The following DGKG variants were observed in gnomAD, a reference collection of about 807,000 sequenced individuals.
DGKG encodes DAG kinase gamma.
In DGKG, 78 loss-of-function variants were observed where a neutral mutation model predicts 105.3. The observed-to-expected ratio is 0.74, with a 90% CI of 0.62 to 0.89. The LOEUF is 0.89. Among genes scored for constraint, DGKG ranks in the 40% least tolerant of loss-of-function variants. DGKG has a pLI of 0.00. For synonymous variants in DGKG, 346 were observed against 367.1 expected (o/e 0.94, Z 0.66); for missense variants, 958 against 1,020.1 (o/e 0.94, Z 0.83).
intron 24 of DGKG, chr3:186,159,019 T>G (rs1716165279): frequency 4.0e-6 from 1 of 249,028 alleles, no homozygotes; most frequent in Admixed American, 6.5e-5. Context: ...ATGTATAACC[T>G]TTCATTTTAG....
intron 1 of DGKG, among the ~76,000 whole-genome samples, chr3:186,339,840 C>T (rs1726005555): frequency 6.6e-6 from 1 of 152,210 alleles, no homozygotes; most frequent in African/African-American, 2.4e-5. Context: ...TCCAACAAAC[C>T]TGAGTCAGCA....
intron 5 of DGKG, among the ~76,000 whole-genome samples, chr3:186,297,055 CTGTCTGT>C (rs1723600190): frequency 7.9e-6 from 1 of 127,330 alleles, no homozygotes; most frequent in African/African-American, 3.1e-5. Context: ...CTCTGTCTGT[CTGTCTGT>C]CTCTCTCACA....
intron 22 of DGKG, 28 bp from the exon 23 acceptor site, chr3:186,165,046 C>A: frequency 6.2e-7 from 1 of 1,602,688 alleles, no homozygotes; most frequent in Non-Finnish European, 8.5e-7. Context: ...AAAAGTAGTG[C>A]ATACACATCT....
At chr3:186,342,525 TACA>T (rs1726135783) in intron 1 of DGKG, among the ~76,000 whole-genome samples, 1 of 152,224 alleles carries the variant, frequency 6.6e-6, no homozygotes, top group African/African-American at 2.4e-5. Context: ...CTTAACTAGA[TACA>T]CTCCTCTGTC....
At chr3:186,191,562 C>T (rs189389494) in intron 21 of DGKG, among the ~76,000 whole-genome samples, 1 of 152,322 alleles carries the variant, frequency 6.6e-6, no homozygotes, top group Non-Finnish European at 1.5e-5. Flanking sequence ...CCACCTTTGG[C>T]ATCTTTTCTT....
intron 3 of DGKG, among the ~76,000 whole-genome samples, chr3:186,305,380 C>T (rs1024053429): frequency 9.2e-5 from 14 of 152,114 alleles, no homozygotes; most frequent in Admixed American, 3.3e-4. Flanking sequence ...GCTGAGGTTA[C>T]GGTGACACTG....
Position 186,330,827 on chromosome 3 carries a change from C to T in DGKG, c.-248-10120G>A, listed in dbSNP as rs78796365. Among the ~76,000 whole-genome samples, 547 of 152,328 alleles carry T rather than the reference C, an allele frequency of 3.6e-3. 3 individuals carry two copies. The highest frequency in any genetic ancestry group is 0.012 in the African/African-American group (518 of 41,582). ...ACGTGGAGCAGAGATAACCCATCCC[C>T]GCTCAGCCTGGTCTGGATTCCCAAT... On this transcript the variant is annotated intron_variant, in intron 1 of 24. Transcript: ENST00000265022.
At chr3:186,270,858 G>A (rs1022888591) in intron 11 of DGKG, among the ~76,000 whole-genome samples, 1 of 152,202 alleles carries the variant, frequency 6.6e-6, no homozygotes, top group African/African-American at 2.4e-5. Context: ...AGAAGTTTGT[G>A]AGTGTGCCCT....
At chr3:186,251,130 C>T (rs917862906) in intron 19 of DGKG, among the ~76,000 whole-genome samples, 5 of 152,060 alleles carry the variant, frequency 3.3e-5, no homozygotes, top group Non-Finnish European at 7.3e-5. Flanking sequence ...CAGATAAGCA[C>T]ATTAAACCAA....
chr3:186,233,591 T>C (rs1434243777), intron 20 of DGKG, among the ~76,000 whole-genome samples: 1 of 152,164 alleles, frequency 6.6e-6, no homozygotes, highest in Non-Finnish European at 1.5e-5. Context: ...GCCATTCTCC[T>C]GCCTCAGCCT....
intron 20 of DGKG, 47 bp from the exon 21 acceptor site, chr3:186,211,932 G>A (rs1436920973): frequency 6.8e-7 from 1 of 1,469,832 alleles, no homozygotes; most frequent in South Asian, 1.1e-5. Context: ...TACTTGAAAT[G>A]CTCATGTAAA....
intron 1 of DGKG, among the ~76,000 whole-genome samples, chr3:186,340,420 A>G (rs541924505): frequency 1.8e-4 from 28 of 152,232 alleles, no homozygotes; most frequent in Non-Finnish European, 3.1e-4. Flanking sequence ...TTACAACCCA[A>G]TTGGAGGGAC....
chr3:186,307,814 C>A (rs371738405), intron 2 of DGKG, among the ~76,000 whole-genome samples: 1 of 151,466 alleles, frequency 6.6e-6, no homozygotes, highest in South Asian at 2.1e-4. Context: ...GTCCTTGGTG[C>A]TGAAACACTG....
At chr3:186,298,996 T>A (rs1347551395) in intron 3 of DGKG, among the ~76,000 whole-genome samples, 1 of 152,208 alleles carries the variant, frequency 6.6e-6, no homozygotes, top group African/African-American at 2.4e-5. Context: ...CTAGACCCTC[T>A]TCCTGCTGTG....
chr3:186,197,209 G>A (rs1453647978), intron 21 of DGKG, among the ~76,000 whole-genome samples: 2 of 152,102 alleles, frequency 1.3e-5, no homozygotes, highest in African/African-American at 4.8e-5. Context: ...GGGGAAAATA[G>A]CACTTCAGTT....
intron 1 of DGKG, among the ~76,000 whole-genome samples, chr3:186,355,280 GATC>G (rs1016865191): frequency 3.8e-4 from 9 of 23,478 alleles, no homozygotes; most frequent in Admixed American, 1.2e-3. Context: ...CCACCAGCAC[GATC>G]ATCATCACCA....
intron 20 of DGKG, among the ~76,000 whole-genome samples, chr3:186,225,516 G>T (rs1255291095): frequency 6.6e-6 from 1 of 152,144 alleles, no homozygotes; most frequent in Non-Finnish European, 1.5e-5. Context: ...TGTTTATTTG[G>T]CTTGCATGGT....
intron 3 of DGKG, among the ~76,000 whole-genome samples, chr3:186,305,657 T>C (rs1724199017): frequency 1.3e-5 from 2 of 152,178 alleles, no homozygotes; most frequent in Non-Finnish European, 2.9e-5. Flanking sequence ...TAGGAGACTC[T>C]TGCAATAATC....
intron 20 of DGKG, among the ~76,000 whole-genome samples, chr3:186,235,205 G>A (rs1411780188): frequency 6.6e-6 from 1 of 152,156 alleles, no homozygotes; most frequent in Admixed American, 6.5e-5. Flanking sequence ...AGGTTCTTGA[G>A]CACAAAACAT....
Sources: allele counts gnomAD v4.1 joint callset (sites outside exome capture counted in the v4.1 genomes callset), GRCh38; gene constraint gnomAD v4.1.1; transcripts MANE v1.5; gene names NCBI Gene and HGNC (gene_info 2026-07-23, HGNC 2026-07-21).